Variants in CASK observed in about 807,000 individuals in gnomAD.
CASK encodes the protein peripheral plasma membrane protein CASK.
In CASK, 4 loss-of-function variants were observed where a neutral mutation model predicts 82.9. The ratio of observed to expected loss-of-function variants is 0.05; its 90% confidence interval spans 0.02 to 0.11. CASK has a LOEUF of 0.11. CASK is among the 10% of genes least tolerant of loss of function. The probability of loss-of-function intolerance (pLI) is 1.00; values close to 1 mark genes in which losing one functional copy is unlikely to be tolerated. For missense variants in CASK, 358 were observed against 720.9 expected (o/e 0.50, Z 5.76); for synonymous variants, 259 against 253.5 (o/e 1.02, Z -0.20).
chrX:41,627,761 G>C (rs2066403963), intron 9 of CASK, among the ~76,000 whole-genome samples: 1 of 112,791 alleles, frequency 8.9e-6, no homozygotes, highest in African/African-American at 3.2e-5. Flanking sequence ...CCAGCACTTT[G>C]GGAGGCCGAG....
chrX:41,795,391 G>A (rs972183349), intron 2 of CASK, among the ~76,000 whole-genome samples: 1 of 112,276 alleles, frequency 8.9e-6, no homozygotes, highest in Admixed American at 9.4e-5. Context: ...GACGAGGCAC[G>A]GTAGCTCGTG....
Position 41,851,819 on chromosome X carries a change from A to G in CASK, c.172+1296T>C, listed in dbSNP as rs6610620. 1.5e-3 allele frequency among the ~76,000 whole-genome samples: 172 copies of G among 111,744 alleles called. 2 individuals carry two copies. The East Asian group carries it at 0.045, about 29-fold the overall frequency. On this transcript the variant is annotated intron_variant, in intron 2 of 26. Transcript: ENST00000378163. The stretch of plus-strand genomic sequence containing the variant: ...CTAAGTTTATAAACAGGATCAGAAC[A>G]TATGTTTAATGAATTAGGTTTATAC...
chrX:41,533,781 G>C (rs5964006), intron 24 of CASK, among the ~76,000 whole-genome samples: 2,900 of 111,365 alleles, frequency 0.026, 92 homozygotes, highest in African/African-American at 0.09. Flanking sequence ...GCTTCAGCCT[G>C]CTGAGTAGCT....
chrX:41,614,476 T>G (rs747784817), intron 11 of CASK, among the ~76,000 whole-genome samples: 5 of 112,269 alleles, frequency 4.5e-5, no homozygotes, highest in African/African-American at 1.6e-4. Context: ...GTTGTGTGGA[T>G]GTACCAGTTT....
chrX:41,652,107 T>A (rs2066873392), intron 8 of CASK, among the ~76,000 whole-genome samples: 1 of 110,864 alleles, frequency 9.0e-6, no homozygotes, highest in Admixed American at 9.7e-5. Context: ...AGCCATGATA[T>A]CTGAGGGAAG....
Position 41,701,484 on chromosome X carries a change from T to A in CASK, c.430-29954A>T, listed in dbSNP as rs189270747. Among the ~76,000 whole-genome samples the A allele has an allele frequency of 1.9e-4, 21 of 112,321 alleles. No homozygotes were observed. In the East Asian group the frequency reaches 5.9e-3, roughly 31 times the overall value. Reference sequence around the variant, plus strand: ...AAGAGGCTTGTAGGGGTATTTTTAATCGGAAGAAAAGATTTGAAACTCGGA... The same window carrying A: ...AAGAGGCTTGTAGGGGTATTTTTAAACGGAAGAAAAGATTTGAAACTCGGA... On this transcript the variant is annotated intron_variant, in intron 5 of 26. Transcript: ENST00000378163.
intron 5 of CASK, among the ~76,000 whole-genome samples, chrX:41,698,639 T>G (rs2067736205): frequency 9.0e-6 from 1 of 111,708 alleles, no homozygotes; most frequent in Non-Finnish European, 1.9e-5. Flanking sequence ...GGGGGTGTCA[T>G]TAGGCAAACA....
intron 3 of CASK, among the ~76,000 whole-genome samples, chrX:41,774,795 T>C (rs2069318582): frequency 9.0e-6 from 1 of 110,550 alleles, no homozygotes; most frequent in Non-Finnish European, 1.9e-5. Context: ...AAGGATTCCC[T>C]ATTTAATAAA....
intron 3 of CASK, among the ~76,000 whole-genome samples, chrX:41,774,673 G>T (rs1276770546): frequency 1.8e-5 from 2 of 110,771 alleles, no homozygotes; most frequent in African/African-American, 6.6e-5. Flanking sequence ...CATGGTACTG[G>T]TACCAAAACA....
rs1388375204 is a variant in CASK, at chrX:41,686,910, GA to G, written c.430-15381del. On this transcript the variant is annotated intron_variant, in intron 5 of 26. Coordinates refer to ENST00000378163, the MANE Select transcript of CASK (RefSeq NM_001367721.1). Reference sequence around the variant, plus strand: ...TCCCAACAAGAGAAAGAGGAAGCGTGAAGGGAAGAGGACATATCGAAAATGA... The same window carrying G: ...TCCCAACAAGAGAAAGAGGAAGCGTGAGGGAAGAGGACATATCGAAAATGA... 2.7e-5 allele frequency among the ~76,000 whole-genome samples: 3 copies of G among 111,936 alleles called. No individual in the cohort carries two copies. In the South Asian group the frequency reaches 1.1e-3, roughly 41 times the overall value.
intron 5 of CASK, among the ~76,000 whole-genome samples, chrX:41,698,327 AAATTAG>A (rs2067729670): frequency 9.0e-6 from 1 of 111,731 alleles, no homozygotes; most frequent in African/African-American, 3.3e-5. Context: ...AAAAACCTGC[AAATTAG>A]AATTAAAAGG....
intron 2 of CASK, among the ~76,000 whole-genome samples, chrX:41,845,253 T>C (rs2071129967): frequency 8.9e-6 from 1 of 112,041 alleles, no homozygotes; most frequent in East Asian, 2.8e-4. Flanking sequence ...TTCTGTTTAG[T>C]TGTTGAATCC....
chrX:41,900,047 GTTTT>G (rs749129389), intron 1 of CASK, among the ~76,000 whole-genome samples: 6 of 92,438 alleles, frequency 6.5e-5, no homozygotes, highest in Non-Finnish European at 1.3e-4. Flanking sequence ...TTTTTGTTTT[GTTTT>G]TTTTTTTTTT....
intron 5 of CASK, among the ~76,000 whole-genome samples, chrX:41,682,610 A>ATT (rs139247193): frequency 1.0e-5 from 1 of 96,021 alleles, no homozygotes; most frequent in East Asian, 3.2e-4. Flanking sequence ...AGTTTGATAA[A>ATT]TTTTTTTTTT....
chrX:41,560,890 T>C (rs1026273624), intron 17 of CASK, among the ~76,000 whole-genome samples: 1 of 108,438 alleles, frequency 9.2e-6, no homozygotes, highest in Non-Finnish European at 1.9e-5. Context: ...AAACTCCGTC[T>C]CAAAAAAAAG....
At chrX:41,674,287 A>C (rs1181861445) in intron 5 of CASK, among the ~76,000 whole-genome samples, 13 of 111,211 alleles carry the variant, frequency 1.2e-4, no homozygotes, top group Non-Finnish European at 2.3e-4. Context: ...CCTTTTTCCA[A>C]GTACATGGCC....
rs1218550214 is a variant in CASK, at chrX:41,519,270, T to C, written c.*1150A>G. 2 of 112,520 alleles carry C rather than the reference T, an allele frequency of 1.8e-5. No individual in the cohort carries two copies. The highest frequency in any genetic ancestry group is 3.7e-5 in the Non-Finnish European group (2 of 53,338). The allele number at this position is 112,520 out of a possible 1,213,427, so 9.3% of individuals were successfully genotyped here. A position where few individuals can be genotyped will look rare whatever the true frequency, so the allele number is the denominator to read the frequency against. Reference sequence around the variant, plus strand: ...ATTGGTCAAACTGTCCTGTTAGTTATCATTTTAAAGGAATTTACAGGGCTG... The same window carrying C: ...ATTGGTCAAACTGTCCTGTTAGTTACCATTTTAAAGGAATTTACAGGGCTG... On this transcript the variant is annotated 3_prime_UTR_variant, in exon 27 of 27. Transcript: ENST00000378163.
At chrX:41,817,945 C>A (rs1009393236) in intron 2 of CASK, among the ~76,000 whole-genome samples, 1 of 110,949 alleles carries the variant, frequency 9.0e-6, no homozygotes, top group Non-Finnish European at 1.9e-5. Flanking sequence ...ATTAATATGT[C>A]AGTTCTCCCC....
chrX:41,531,024 G>A lies in CASK; in HGVS notation c.2503C>T (p.Leu835=), dbSNP rs1170319551. ...KIHEQGLIAI[L]DVEPQALKVL... is the part of the protein sequence containing the mutation. ...GGCATTACCTGAGGCTCCACGTCCA[G>A]TATTGCAATCAGCCCCTGCTCGTGG... Residue 835 remains leucine (L), a synonymous_variant, in exon 25 of 27, where the codon CTG becomes TTG. Transcript: ENST00000378163. 1 of 1,210,893 alleles carries A rather than the reference G, an allele frequency of 8.3e-7. No individual in the cohort carries two copies. Among genetic ancestry groups the A allele is most frequent in the South Asian group, 1.8e-5 (1 of 56,984 alleles).
Sources: gnomAD v4.1 joint callset for allele counts (sites outside exome capture counted in the v4.1 genomes callset) on GRCh38, gnomAD v4.1.1 for gene constraint, MANE v1.5 for transcripts, NCBI Gene and HGNC (gene_info 2026-07-23, HGNC 2026-07-21) for gene names.